NEMF: variants seen among roughly 807,000 people sequenced by gnomAD.
NEMF encodes the protein ribosome quality control complex subunit NEMF.
In NEMF, 89 loss-of-function variants were observed where a neutral mutation model predicts 162.2. The observed-to-expected ratio is 0.55, with a 90% CI of 0.46 to 0.65. The LOEUF (loss-of-function observed/expected upper bound fraction) is 0.65, where lower values mean the gene tolerates loss of function less well. Ranked by LOEUF, NEMF falls within the 30% of genes least tolerant of loss-of-function variation. The pLI is 0.00. For synonymous variants in NEMF, 421 were observed against 404.5 expected (o/e 1.04, Z -0.49); for missense variants, 1,133 against 1,261.9 (o/e 0.90, Z 1.55).
In NEMF at chr14:49,840,736, G is replaced by C. The variant is rs149602229; in HGVS notation, c.488C>G (p.Pro163Arg). ...YPLDHARAAE[P>R]LLTLERLTEI... is the part of the protein sequence containing the mutation. The stretch of plus-strand genomic sequence containing the variant: ...ACTTTACCTTTCCAAAGTAAGCAAA[G>C]GTTCAGCAGCTCTAGCATGATCAAG... The change falls in exon 5 of 33, where the codon CCT (proline) becomes CGT (arginine). Residue 163 changes from proline to arginine, a missense_variant. Around this residue, in one of 3 missense-constraint regions of NEMF, gnomAD observed 582 missense variants for 631.5 expected, o/e 0.92. Coordinates refer to ENST00000298310, the MANE Select transcript of NEMF (RefSeq NM_004713.6). 7 of 1,611,874 alleles carry C rather than the reference G, an allele frequency of 4.3e-6. No homozygotes were observed. The Admixed American group carries it at 8.4e-5, about 19-fold the overall frequency.
In NEMF at chr14:49,782,708, A is replaced by G. The variant is rs1889964359; in HGVS notation, c.*1928T>C. Reference sequence around the variant, plus strand: ...TTAAGGGCAATAAAACTTCATTGCTATAACCAGTTCCTATGAAAATCTTTG... The same window carrying G: ...TTAAGGGCAATAAAACTTCATTGCTGTAACCAGTTCCTATGAAAATCTTTG... On this transcript the variant is annotated 3_prime_UTR_variant, in exon 33 of 33. Transcript: ENST00000298310. The G allele has an allele frequency of 7.2e-6, 10 of 1,382,318 alleles. No individual in the cohort carries two copies. The highest frequency in any genetic ancestry group is 2.1e-5 in the Admixed American group (1 of 47,178). The allele number at this position is 1,382,318 out of a possible 1,614,324, so 85.6% of individuals were successfully genotyped here.
In NEMF at chr14:49,784,432, A is replaced by ACTT; in HGVS notation, c.*201_*203dup. ...AATTAGCATTTAACTGTCCACAAATACTTTTGGAAATCCTATCATAGACAG... is the reference window on the plus strand; with the variant it reads ...AATTAGCATTTAACTGTCCACAAATACTTCTTTTGGAAATCCTATCATAGACAG... On this transcript the variant is annotated 3_prime_UTR_variant, in exon 33 of 33. Transcript: ENST00000298310. 1 of 471,148 alleles carries ACTT rather than the reference A, an allele frequency of 2.1e-6. No individual in the cohort carries two copies. Among genetic ancestry groups the ACTT allele is most frequent in the Non-Finnish European group, 3.8e-6 (1 of 266,050 alleles). The allele number at this position is 471,148 out of a possible 1,614,324, so 29.2% of individuals were successfully genotyped here.
chr14:49,802,879 T>G, intron 20 of NEMF, 152 bp from the exon 21 acceptor site: 1 of 646,238 alleles, frequency 1.5e-6, no homozygotes, highest in Non-Finnish European at 2.7e-6. Flanking sequence ...TTTATAGAAC[T>G]GGGCAGTATG....
In NEMF at chr14:49,851,883, G is replaced by A. The variant is rs554194155; in HGVS notation, c.60-8C>T. The A allele has an allele frequency of 3.3e-6, 5 of 1,536,468 alleles. No individual in the cohort carries two copies. The South Asian group carries it at 3.5e-5, about 11-fold the overall frequency. The stretch of plus-strand genomic sequence containing the variant: ...ACTCTCATTCCTAGCAAGCTGCAAA[G>A]ATAAAGGAAACATGTAACATGTTAC... On this transcript the variant is annotated splice_polypyrimidine_tract_variant and splice_region_variant and intron_variant, in intron 1 of 32. Coordinates refer to ENST00000298310, the MANE Select transcript of NEMF (RefSeq NM_004713.6).
Position 49,828,645 on chromosome 14 carries a change from G to C in NEMF, c.1395C>G (p.Leu465=). 6.3e-7 allele frequency: 1 copy of C among 1,582,378 alleles called. No homozygotes were observed. The change falls in exon 14 of 33, where the codon CTC becomes CTG. Residue 465 remains leucine, a synonymous_variant. Transcript: ENST00000298310. ...TGGCATTGGCATATGCTGACAAGCT[G>C]AGATCAACATCTACAAGTAAGGGCT... ...KNKPLLVDVD[L]SLSAYANAKK...
At chr14:49,807,846 T>C (rs1390838049) in intron 18 of NEMF, among the ~76,000 whole-genome samples, 1 of 151,850 alleles carries the variant, frequency 6.6e-6, no homozygotes, top group Non-Finnish European at 1.5e-5. Context: ...TCAAGTGATT[T>C]ACCTGCCTCT....
chr14:49,831,444 T>TC, intron 10 of NEMF, 83 bp from the exon 11 acceptor site: 1 of 894,992 alleles, frequency 1.1e-6, no homozygotes. Flanking sequence ...TATTTTTTTT[T>TC]TCTTTTTTTT....
rs1188153903 is a variant in NEMF at position 49,783,023 on chromosome 14, A to G, written c.*1613T>C. ...CCTGTAAACATCACAGAGTGGCATC[A>G]TTTGTATAATTATATGCATTGTTGT... On this transcript the variant is annotated 3_prime_UTR_variant, in exon 33 of 33. Transcript: ENST00000298310. 6.7e-7 allele frequency: 1 copy of G among 1,499,012 alleles called. No homozygotes were observed. Among genetic ancestry groups the G allele is most frequent in the African/African-American group, 1.4e-5 (1 of 71,800 alleles). 92.9% of individuals were successfully genotyped at this position (1,499,012 alleles called of 1,614,324 possible).
At chr14:49,812,440 T>C (rs1891521868) in intron 18 of NEMF, among the ~76,000 whole-genome samples, 2 of 152,186 alleles carry the variant, frequency 1.3e-5, no homozygotes, top group South Asian at 4.1e-4. Context: ...ACTATTTTCT[T>C]CCTTCTCCTT....
At chr14:49,798,048 T>C (rs1890772762) in intron 25 of NEMF, among the ~76,000 whole-genome samples, 1 of 152,260 alleles carries the variant, frequency 6.6e-6, no homozygotes, top group Non-Finnish European at 1.5e-5. Context: ...AATGACATCC[T>C]GTTCTAGGTT....
In NEMF at chr14:49,786,761, C is replaced by A. The variant is rs1890198343; in HGVS notation, c.2896-11G>T. The A allele has an allele frequency of 1.2e-6, 2 of 1,611,032 alleles. No individual in the cohort carries two copies. Among genetic ancestry groups the A allele is most frequent in the South Asian group, 1.1e-5 (1 of 90,752 alleles). ...CAGATCTTGCTCTTCCTGTTCCGAACATATAAAAATAAAAATGTCAGCTAT... is the reference window on the plus strand; with the variant it reads ...CAGATCTTGCTCTTCCTGTTCCGAAAATATAAAAATAAAAATGTCAGCTAT... On this transcript the variant is annotated splice_polypyrimidine_tract_variant and intron_variant, in intron 28 of 32. Coordinates refer to ENST00000298310, the MANE Select transcript of NEMF (RefSeq NM_004713.6).
intron 18 of NEMF, among the ~76,000 whole-genome samples, chr14:49,807,562 ATG>A (rs899843994): frequency 4.5e-3 from 3 of 670 alleles, no homozygotes; most frequent in African/African-American, 4.6e-3. Flanking sequence ...TCACCAGCAC[ATG>A]TTAGTGGGTA....
chr14:49,847,868 C>T (rs761160978), intron 3 of NEMF, among the ~76,000 whole-genome samples: 36 of 151,762 alleles, frequency 2.4e-4, no homozygotes, highest in South Asian at 1.9e-3. Context: ...CCCATCTCTA[C>T]TAAAAATACA....
chr14:49,821,777 T>G (rs1892071232), intron 16 of NEMF, among the ~76,000 whole-genome samples: 1 of 151,590 alleles, frequency 6.6e-6, no homozygotes, highest in Non-Finnish European at 1.5e-5. Flanking sequence ...GAGGAGCCCC[T>G]CTGCCCAGCC....
At position 49,782,184 on chromosome 14, in the gene NEMF, C is replaced by T. The variant is rs1889934893; in HGVS notation, c.*2452G>A. ...AACGACCAGAGAGAGAAAATAATAT[C>T]CAGATAAAATAGATATTGATTGATC... On this transcript the variant is annotated 3_prime_UTR_variant, in exon 33 of 33. Transcript: ENST00000298310. 6 of 523,078 alleles carry T rather than the reference C, an allele frequency of 1.1e-5. No individual in the cohort carries two copies. In the South Asian group the frequency reaches 1.8e-4, roughly 16 times the overall value. The allele number at this position is 523,078 out of a possible 1,614,324, so 32.4% of individuals were successfully genotyped here. A position where few individuals can be genotyped will look rare whatever the true frequency, so the allele number is the denominator to read the frequency against.
chr14:49,812,570 GCATCT>G (rs772936447), intron 18 of NEMF, among the ~76,000 whole-genome samples: 2 of 152,028 alleles, frequency 1.3e-5, no homozygotes, highest in Admixed American at 6.6e-5. Context: ...TGCTCTTCTT[GCATCT>G]CATAAGTTTT....
At chr14:49,827,261 A>G (rs1892401174) in intron 15 of NEMF, among the ~76,000 whole-genome samples, 1 of 152,112 alleles carries the variant, frequency 6.6e-6, no homozygotes, top group Non-Finnish European at 1.5e-5. Flanking sequence ...ATCTCAGCTC[A>G]CTGCAACCTC....
chr14:49,825,721 G>A, intron 16 of NEMF, 146 bp downstream of exon 16: 1 of 587,312 alleles, frequency 1.7e-6, no homozygotes. Context: ...GGGTGACAGA[G>A]AACCTGTCTC....
chr14:49,833,380 C>T (rs1892739744), intron 8 of NEMF, 43 bp downstream of exon 8: 2 of 1,269,682 alleles, frequency 1.6e-6, no homozygotes, highest in Admixed American at 2.2e-5. Context: ...TCTGAAAACC[C>T]AAATAAATCA....
Sources: allele counts gnomAD v4.1 joint callset (sites outside exome capture counted in the v4.1 genomes callset), GRCh38; gene constraint gnomAD v4.1.1; regional missense constraint gnomAD v4.1.1; transcripts MANE v1.5; gene names NCBI Gene and HGNC (gene_info 2026-07-23, HGNC 2026-07-21).